The following CCDC85C variants were observed in gnomAD, a reference collection of about 807,000 sequenced individuals.
CCDC85C encodes coiled-coil domain containing 85C.
Under a neutral mutation model 38.3 loss-of-function variants are expected in CCDC85C, and 18 were observed. The observed-to-expected ratio is 0.47, with a 90% CI of 0.33 to 0.70. CCDC85C has a LOEUF of 0.70. Among genes scored for constraint, CCDC85C ranks in the 30% least tolerant of loss-of-function variants. The pLI is 0.03. For synonymous variants in CCDC85C, 264 were observed against 293.8 expected (o/e 0.90, Z 1.04); for missense variants, 566 against 621.2 (o/e 0.91, Z 0.94).
chr14:99,581,562 C>G (rs2054969274), intron 1 of CCDC85C, among the ~76,000 whole-genome samples: 1 of 152,244 alleles, frequency 6.6e-6, no homozygotes, highest in South Asian at 2.1e-4. Flanking sequence ...GTCCATGACC[C>G]CTGCCTCGGC....
Position 99,509,719 on chromosome 14 carries a change from CATTT to C in CCDC85C, c.*5523_*5526del, listed in dbSNP as rs1185274868. The C allele has an allele frequency of 3.1e-5, 6 of 190,956 alleles. No homozygotes were observed. Among genetic ancestry groups the C allele is most frequent in the Non-Finnish European group, 6.5e-5 (6 of 92,874 alleles). 11.8% of individuals were successfully genotyped at this position (190,956 alleles called of 1,614,324 possible). A position where few individuals can be genotyped will look rare whatever the true frequency, so the allele number is the denominator to read the frequency against. On this transcript the variant is annotated 3_prime_UTR_variant, in exon 6 of 6. Coordinates refer to ENST00000380243, the MANE Select transcript of CCDC85C (RefSeq NM_001144995.2). The stretch of plus-strand genomic sequence containing the variant: ...GAATTGTTTTAAGTGCCATCACATT[CATTT>C]GACTAACTCTGAGGTTTTCTGCAAA...
rs867493880 is a variant in CCDC85C at position 99,588,378 on chromosome 14, G to A, written c.793+14789C>T. Among the ~76,000 whole-genome samples, 14 of 152,144 alleles carry A rather than the reference G, an allele frequency of 9.2e-5. No individual in the cohort carries two copies. In the South Asian group the frequency reaches 1.0e-3, roughly 11 times the overall value. ...TTCTCCTCACCCCAGGCCCCGCCGG[G>A]TGCTCCTAAGCCTGCTGTTTCCAGA... is the stretch of plus-strand genomic sequence containing the variant. On this transcript the variant is annotated intron_variant, in intron 1 of 5. Coordinates refer to ENST00000380243, the MANE Select transcript of CCDC85C (RefSeq NM_001144995.2). This position sits in a 1 kb window ranked among gnomAD's most constrained non-coding sequence, Gnocchi z 5.0.
chr14:99,514,546 G>C lies in CCDC85C; in HGVS notation c.*700C>G, dbSNP rs1018001365. 6.6e-6 allele frequency: 1 copy of C among 152,568 alleles called. No homozygotes were observed. Among genetic ancestry groups the C allele is most frequent in the Admixed American group, 6.5e-5 (1 of 15,294 alleles). 9.5% of individuals were successfully genotyped at this position (152,568 alleles called of 1,614,324 possible). On this transcript the variant is annotated 3_prime_UTR_variant, in exon 6 of 6. Coordinates refer to ENST00000380243, the MANE Select transcript of CCDC85C (RefSeq NM_001144995.2). ...CCCAAGAAGGGCATAGCCTGGACAG[G>C]GTGGCAGGGGGACATTGCAGAGACT...
intron 1 of CCDC85C, among the ~76,000 whole-genome samples, chr14:99,541,914 G>A (rs1213139985): frequency 6.6e-6 from 1 of 152,202 alleles, no homozygotes; most frequent in Non-Finnish European, 1.5e-5. Context: ...TCCAGTTGCT[G>A]TGCACCCTCC....
intron 1 of CCDC85C, among the ~76,000 whole-genome samples, chr14:99,591,199 C>A (rs2055082100): frequency 6.6e-6 from 1 of 152,236 alleles, no homozygotes; most frequent in African/African-American, 2.4e-5. Context: ...GATCCTGAAG[C>A]CTTTGCGGCC....
At position 99,504,144 on chromosome 14, in the gene CCDC85C, G is replaced by C. The variant is rs551326472; in HGVS notation, c.*11102C>G. On this transcript the variant is annotated 3_prime_UTR_variant, in exon 6 of 6. Coordinates refer to ENST00000380243, the MANE Select transcript of CCDC85C (RefSeq NM_001144995.2). ...TGTCTAGAACCCAAAGTTAGTTCAT[G>C]TCAATATTGGAAATAAACAGAAGGA... 4 of 291,582 alleles carry C rather than the reference G, an allele frequency of 1.4e-5. No homozygotes were observed. The highest frequency in any genetic ancestry group is 9.2e-5 in the African/African-American group (4 of 43,458). The allele number at this position is 291,582 out of a possible 1,614,324, so 18.1% of individuals were successfully genotyped here. A position where few individuals can be genotyped will look rare whatever the true frequency, so the allele number is the denominator to read the frequency against.
At chr14:99,582,067 C>T (rs1249119308) in intron 1 of CCDC85C, among the ~76,000 whole-genome samples, 1 of 152,182 alleles carries the variant, frequency 6.6e-6, no homozygotes, top group East Asian at 1.9e-4. Flanking sequence ...AGACACACAT[C>T]CCCATGTTCA....
intron 1 of CCDC85C, among the ~76,000 whole-genome samples, chr14:99,571,358 T>C (rs1898338924): frequency 6.6e-6 from 1 of 151,814 alleles, no homozygotes; most frequent in South Asian, 2.1e-4. Context: ...ATAATAATAA[T>C]AATAATAATA....
chr14:99,579,656 CGGGATTGAGGT>C, intron 1 of CCDC85C, among the ~76,000 whole-genome samples: 1 of 152,104 alleles, frequency 6.6e-6, no homozygotes, highest in South Asian at 2.1e-4. Flanking sequence ...GGACTGGATT[CGGGATTGAGGT>C]GGGGGCTATG....
intron 1 of CCDC85C, among the ~76,000 whole-genome samples, chr14:99,541,443 A>G (rs1231269561): frequency 3.3e-5 from 5 of 152,176 alleles, no homozygotes; most frequent in Non-Finnish European, 4.4e-5. Context: ...CTATGATCTT[A>G]TATCTCAGGT....
Position 99,503,391 on chromosome 14 carries a change from G to C in CCDC85C, c.*11855C>G. Reference sequence around the variant, plus strand: ...CAGAACTCACCATTCAGGAAAGCTAGTCATTCTGTCTTATTTGGTAAATGG... The same window carrying C: ...CAGAACTCACCATTCAGGAAAGCTACTCATTCTGTCTTATTTGGTAAATGG... On this transcript the variant is annotated 3_prime_UTR_variant, in exon 6 of 6. Transcript: ENST00000380243. 1 of 603,602 alleles carries C rather than the reference G, an allele frequency of 1.7e-6. No homozygotes were observed. The highest frequency in any genetic ancestry group is 3.0e-6 in the Non-Finnish European group (1 of 338,828). The allele number at this position is 603,602 out of a possible 1,614,324, so 37.4% of individuals were successfully genotyped here. A position where few individuals can be genotyped will look rare whatever the true frequency, so the allele number is the denominator to read the frequency against.
intron 1 of CCDC85C, among the ~76,000 whole-genome samples, chr14:99,586,929 G>A (rs149929893): frequency 2.7e-4 from 41 of 152,312 alleles, no homozygotes; most frequent in African/African-American, 6.7e-4. Context: ...AGCCACGGGC[G>A]GCACTCCCGC....
At position 99,591,291 on chromosome 14, in the gene CCDC85C, C is replaced by T. The variant is rs542197062; in HGVS notation, c.793+11876G>A. Among the ~76,000 whole-genome samples, 12 of 152,370 alleles carry T rather than the reference C, an allele frequency of 7.9e-5. No homozygotes were observed. In the South Asian group the frequency reaches 1.7e-3, roughly 21 times the overall value. ...GAGACCCCTGGAGCTGTGCAGCCCTCTCTGGGCTTAGGTTTCCTGCCAAGA... is the reference window on the plus strand; with the variant it reads ...GAGACCCCTGGAGCTGTGCAGCCCTTTCTGGGCTTAGGTTTCCTGCCAAGA... On this transcript the variant is annotated intron_variant, in intron 1 of 5. Transcript: ENST00000380243.
At chr14:99,525,568 T>C (rs1334642836) in intron 2 of CCDC85C, among the ~76,000 whole-genome samples, 4 of 152,256 alleles carry the variant, frequency 2.6e-5, no homozygotes, top group African/African-American at 9.6e-5. Flanking sequence ...TCAAATGTGC[T>C]GCATCGGTTA....
At position 99,506,271 on chromosome 14, in the gene CCDC85C, A is replaced by G. The variant is rs2139879179; in HGVS notation, c.*8975T>C. 1 of 152,414 alleles carries G rather than the reference A, an allele frequency of 6.6e-6. No homozygotes were observed. Among genetic ancestry groups the G allele is most frequent in the African/African-American group, 2.4e-5 (1 of 41,580 alleles). The allele number at this position is 152,414 out of a possible 1,614,324, so 9.4% of individuals were successfully genotyped here. ...GAGACTCAGATCTGAGTGGTGTACA[A>G]GCCAGAAGAAAGTACATTTCAGGAA... On this transcript the variant is annotated 3_prime_UTR_variant, in exon 6 of 6. Coordinates refer to ENST00000380243, the MANE Select transcript of CCDC85C (RefSeq NM_001144995.2).
intron 1 of CCDC85C, among the ~76,000 whole-genome samples, chr14:99,541,311 G>A (rs1897707970): frequency 6.6e-6 from 1 of 152,210 alleles, no homozygotes; most frequent in Non-Finnish European, 1.5e-5. Context: ...CGCACCCCAA[G>A]CTGGGGAACC....
chr14:99,533,843 G>A lies in CCDC85C; in HGVS notation c.867+2172C>T, dbSNP rs551994760. On this transcript the variant is annotated intron_variant, in intron 2 of 5. Transcript: ENST00000380243. This position sits in a 1 kb window ranked among gnomAD's most constrained non-coding sequence, Gnocchi z 4.2. The stretch of plus-strand genomic sequence containing the variant: ...ATGGTGGAGGGCCCCCTGTGAGACC[G>A]GGGGGCACCCCAGGAAGGAAGGCAG... 1.6e-3 allele frequency among the ~76,000 whole-genome samples: 239 copies of A among 152,258 alleles called. 2 individuals are homozygous for A. Among genetic ancestry groups the A allele is most frequent in the African/African-American group, 5.4e-3 (224 of 41,556 alleles).
At chr14:99,542,703 A>G (rs943963167) in intron 1 of CCDC85C, among the ~76,000 whole-genome samples, 2 of 152,206 alleles carry the variant, frequency 1.3e-5, no homozygotes, top group African/African-American at 4.8e-5. Flanking sequence ...CACATCCTGC[A>G]GTGCCCCCTC....
intron 3 of CCDC85C, among the ~76,000 whole-genome samples, chr14:99,518,806 C>A (rs893910493): frequency 6.6e-6 from 1 of 152,192 alleles, no homozygotes. Context: ...AAGCCAGGAG[C>A]GTGGGGGTGG....
Sources: gnomAD v4.1 joint callset for allele counts (sites outside exome capture counted in the v4.1 genomes callset) on GRCh38, gnomAD v4.1.1 for gene constraint, Gnocchi (gnomAD v3.1) non-coding constraint, MANE v1.5 for transcripts, NCBI Gene and HGNC (gene_info 2026-07-23, HGNC 2026-07-21) for gene names.